Variants in LAD1 observed in about 807,000 individuals in gnomAD.
The protein encoded by LAD1 is ladinin 1.
Under a neutral mutation model 54.2 loss-of-function variants are expected in LAD1, and 53 were observed. That is an observed-to-expected ratio of 0.98 (90% CI 0.78 to 1.23). The LOEUF (loss-of-function observed/expected upper bound fraction) is 1.23, where lower values mean the gene tolerates loss of function less well. LAD1 is among the 50% of genes most tolerant of loss of function. The probability of loss-of-function intolerance (pLI) is 0.00; values close to 1 mark genes in which losing one functional copy is unlikely to be tolerated. For synonymous variants in LAD1, 231 were observed against 257.7 expected (o/e 0.90, Z 0.99); for missense variants, 637 against 653.3 (o/e 0.98, Z 0.27).
In LAD1 at chr1:201,389,176, C is replaced by G; in HGVS notation, c.166G>C (p.Ala56Pro). ...PRLSQNGDRQ[A>P]SASERLPSVE... ...AGCACCTACCTCTCAGAAGCAGAGGCCTGCCGGTCTCCATTCTGGCTGAGC... is the reference window on the plus strand; with the variant it reads ...AGCACCTACCTCTCAGAAGCAGAGGGCTGCCGGTCTCCATTCTGGCTGAGC... The change falls in exon 2 of 10, where the codon GCC (alanine) becomes CCC (proline). Residue 56 changes from alanine to proline, a missense_variant. Transcript: ENST00000391967. 1.9e-6 allele frequency: 3 copies of G among 1,614,002 alleles called. No homozygotes were observed. The highest frequency in any genetic ancestry group is 1.7e-6 in the Non-Finnish European group (2 of 1,179,954).
In LAD1 at chr1:201,389,587, C is replaced by A. The variant is rs139012962; in HGVS notation, c.39-284G>T. Among the ~76,000 whole-genome samples the A allele has an allele frequency of 1.5e-3, 233 of 151,642 alleles. 1 individual carries two copies. Among genetic ancestry groups the A allele is most frequent in the African/African-American group, 5.4e-3 (221 of 41,284 alleles). On this transcript the variant is annotated intron_variant, in intron 1 of 9. Transcript: ENST00000391967. ...TAGCACTTTAGGAGGCTGAGACACG[C>A]GGATTGCCTGAGCTCAGGAGTTTGA...
At chr1:201,390,172 G>T (rs1233971581) in intron 1 of LAD1, among the ~76,000 whole-genome samples, 1 of 151,680 alleles carries the variant, frequency 6.6e-6, no homozygotes, top group East Asian at 2.0e-4. Flanking sequence ...TCCCACCTTG[G>T]CCTCCCAAAG....
chr1:201,392,010 C>T (rs1018941591), intron 1 of LAD1, among the ~76,000 whole-genome samples: 1 of 152,256 alleles, frequency 6.6e-6, no homozygotes, highest in African/African-American at 2.4e-5. Context: ...AACTCTCTAC[C>T]CTTTGCTGTC....
In LAD1 at chr1:201,399,267, A is replaced by G; in HGVS notation, c.38+2T>C. On this transcript the variant is annotated splice_donor_variant, in intron 1 of 9. Transcript: ENST00000391967. LOFTEE classifies it high-confidence loss of function. ...CCCCTCCCGGCTCCCTCCGGCGCTCACCTGGACAGCGCGGACCAGTCCTTC... is the reference window on the plus strand; with the variant it reads ...CCCCTCCCGGCTCCCTCCGGCGCTCGCCTGGACAGCGCGGACCAGTCCTTC... 6.4e-7 allele frequency: 1 copy of G among 1,552,832 alleles called. No homozygotes were observed. Among genetic ancestry groups the G allele is most frequent in the African/African-American group, 1.4e-5 (1 of 73,644 alleles).
At position 201,391,367 on chromosome 1, in the gene LAD1, A is replaced by G. The variant is rs574358640; in HGVS notation, c.39-2064T>C. ...CTACTACTCGCCCACACATCCATGT[A>G]CTCAGCCACTCAGCTGTTTCCACCA... On this transcript the variant is annotated intron_variant, in intron 1 of 9. Transcript: ENST00000391967. Among the ~76,000 whole-genome samples the G allele has an allele frequency of 1.1e-4, 16 of 152,268 alleles. No individual in the cohort carries two copies. In the South Asian group the frequency reaches 1.2e-3, roughly 12 times the overall value.
intron 4 of LAD1, 74 bp downstream of exon 4, chr1:201,385,627 T>C: frequency 1.8e-6 from 2 of 1,093,590 alleles, no homozygotes; most frequent in Non-Finnish European, 2.8e-6. Flanking sequence ...CTACGGCTCC[T>C]ATGTTGTAAT....
At chr1:201,385,445 C>G (rs746458642) in intron 4 of LAD1, among the ~76,000 whole-genome samples, 15 of 152,192 alleles carry the variant, frequency 9.9e-5, no homozygotes, top group Non-Finnish European at 1.9e-4. Flanking sequence ...CCCTGCCTGT[C>G]CGGTCTTCAT....
intron 2 of LAD1, among the ~76,000 whole-genome samples, chr1:201,387,566 G>T (rs1662119967): frequency 6.6e-6 from 1 of 152,180 alleles, no homozygotes; most frequent in Non-Finnish European, 1.5e-5. Context: ...TTTTGTCAAG[G>T]TCACACAGCT....
chr1:201,394,814 T>G (rs571699334), intron 1 of LAD1, among the ~76,000 whole-genome samples: 1 of 152,278 alleles, frequency 6.6e-6, no homozygotes, highest in Admixed American at 6.5e-5. Flanking sequence ...CTGGGGAAAG[T>G]GGCCCACAAA....
rs957191261 is a variant in LAD1 at position 201,381,868 on chromosome 1, G to A, written c.*20C>T. The A allele has an allele frequency of 6.2e-7, 1 of 1,613,792 alleles. No homozygotes were observed. The highest frequency in any genetic ancestry group is 1.3e-5 in the African/African-American group (1 of 74,918). On this transcript the variant is annotated 3_prime_UTR_variant, in exon 10 of 10. Coordinates refer to ENST00000391967, the MANE Select transcript of LAD1 (RefSeq NM_005558.4). ...GGTCCCTTGAGACGAAGACTTGCAG[G>A]TCTGTCTTGGCGGGGCTTGTCACAC...
intron 7 of LAD1, 141 bp from the exon 8 acceptor site, chr1:201,382,880 C>T: frequency 1.0e-6 from 1 of 967,882 alleles, no homozygotes; most frequent in Non-Finnish European, 1.6e-6. Flanking sequence ...ACAGCCCCCT[C>T]CCCTTCCCCC....
chr1:201,391,571 A>C (rs941258772), intron 1 of LAD1, among the ~76,000 whole-genome samples: 2 of 152,340 alleles, frequency 1.3e-5, no homozygotes, highest in South Asian at 2.1e-4. Flanking sequence ...GATATTGACA[A>C]TCCAGTGAAA....
In LAD1 at chr1:201,389,147, C is replaced by T; in HGVS notation, c.182+13G>A. ...CCATCCCCATCCATCAGGATAGAAA[C>T]CTGAGCACCTACCTCTCAGAAGCAG... is the stretch of plus-strand genomic sequence containing the variant. On this transcript the variant is annotated intron_variant, in intron 2 of 9. Coordinates refer to ENST00000391967, the MANE Select transcript of LAD1 (RefSeq NM_005558.4). The T allele has an allele frequency of 6.2e-7, 1 of 1,612,702 alleles. No homozygotes were observed. The highest frequency in any genetic ancestry group is 8.5e-7 in the Non-Finnish European group (1 of 1,178,968).
chr1:201,387,583 T>TG (rs762923741), intron 2 of LAD1, among the ~76,000 whole-genome samples: 25 of 152,106 alleles, frequency 1.6e-4, no homozygotes, highest in African/African-American at 3.4e-4. Flanking sequence ...AGCTGATTCG[T>TG]GGGGGAGCTG....
At chr1:201,388,948 T>C (rs1454937169) in intron 2 of LAD1, among the ~76,000 whole-genome samples, 2 of 152,202 alleles carry the variant, frequency 1.3e-5, no homozygotes, top group East Asian at 3.8e-4. Context: ...TATTGGCTCA[T>C]GGATGGTCTA....
chr1:201,396,350 T>C (rs542920283), intron 1 of LAD1, among the ~76,000 whole-genome samples: 1 of 152,280 alleles, frequency 6.6e-6, no homozygotes, highest in East Asian at 1.9e-4. Flanking sequence ...GGATCCTCTT[T>C]TTCTCTTAAA....
chr1:201,385,151 G>T (rs549819030), intron 4 of LAD1, among the ~76,000 whole-genome samples: 2 of 152,274 alleles, frequency 1.3e-5, no homozygotes, highest in East Asian at 3.9e-4. Flanking sequence ...GGCACCAGTC[G>T]CTATTGGGCC....
At chr1:201,382,348 G>C in intron 8 of LAD1, 22 bp from the exon 9 acceptor site, 1 of 1,581,718 alleles carries the variant, frequency 6.3e-7, no homozygotes, top group Non-Finnish European at 8.7e-7. Flanking sequence ...TATCAGGGTG[G>C]AGACCAGAGA....
At chr1:201,389,414 G>A in intron 1 of LAD1, 111 bp from the exon 2 acceptor site, 1 of 1,249,166 alleles carries the variant, frequency 8.0e-7, no homozygotes, top group Non-Finnish European at 1.1e-6. Flanking sequence ...GCCTGCACTG[G>A]CTACTAGCAG....
Sources: gnomAD v4.1 joint callset for allele counts (sites outside exome capture counted in the v4.1 genomes callset) on GRCh38, gnomAD v4.1.1 for gene constraint, MANE v1.5 for transcripts, NCBI Gene and HGNC (gene_info 2026-07-23, HGNC 2026-07-21) for gene names.